Variants in CEP128 observed in about 807,000 individuals in gnomAD.
CEP128 encodes the protein centrosomal protein 128.
A neutral mutation model predicts 156.7 loss-of-function variants in CEP128; 132 were observed. The ratio of observed to expected loss-of-function variants is 0.84; its 90% CI spans 0.73 to 0.97. The LOEUF (loss-of-function observed/expected upper bound fraction) is 0.97, where lower values mean the gene tolerates loss of function less well. CEP128 is among the 50% of genes least tolerant of loss of function. CEP128 has a pLI of 0.00. For synonymous variants in CEP128, 469 were observed against 448.9 expected (o/e 1.04, Z -0.57); for missense variants, 1,252 against 1,281.9 (o/e 0.98, Z 0.36).
At chr14:80,847,544 TAA>T (rs1031386892) in intron 9 of CEP128, among the ~76,000 whole-genome samples, 4 of 152,192 alleles carry the variant, frequency 2.6e-5, no homozygotes, top group Admixed American at 2.0e-4. Context: ...AAAATTTATA[TAA>T]GTGTTTCAGC....
intron 19 of CEP128, among the ~76,000 whole-genome samples, chr14:80,677,091 G>T (rs1292307803): frequency 2.0e-5 from 3 of 152,138 alleles, no homozygotes; most frequent in African/African-American, 7.2e-5. Flanking sequence ...ATCATCCCAT[G>T]ATGTATAAAA....
At chr14:80,508,017 C>G (rs752451926) in intron 23 of CEP128, among the ~76,000 whole-genome samples, 1 of 152,176 alleles carries the variant, frequency 6.6e-6, no homozygotes, top group Non-Finnish European at 1.5e-5. Context: ...CAGGTTCAAG[C>G]GATCCTCCTG....
chr14:80,672,342 A>G (rs1455393983), intron 19 of CEP128, among the ~76,000 whole-genome samples: 1 of 127,512 alleles, frequency 7.8e-6, no homozygotes, highest in Admixed American at 7.6e-5. Context: ...GTGAACAGAA[A>G]AATGTCTTTT....
At chr14:80,680,391 T>G (rs1030336121) in intron 19 of CEP128, among the ~76,000 whole-genome samples, 2 of 152,100 alleles carry the variant, frequency 1.3e-5, no homozygotes, top group Admixed American at 1.3e-4. Context: ...TGGATATAGA[T>G]CCTGGTGAGC....
intron 19 of CEP128, among the ~76,000 whole-genome samples, chr14:80,714,626 C>A (rs1231341318): frequency 6.6e-6 from 1 of 151,934 alleles, no homozygotes; most frequent in Non-Finnish European, 1.5e-5. Context: ...ACAGGCAAAC[C>A]TCAAACTTCC....
At chr14:80,560,621 G>A (rs1168174721) in intron 20 of CEP128, among the ~76,000 whole-genome samples, 1 of 152,016 alleles carries the variant, frequency 6.6e-6, no homozygotes, top group Non-Finnish European at 1.5e-5. Flanking sequence ...TTAGTCAGTG[G>A]GCTGAGGAAG....
chr14:80,686,771 G>A (rs1719248329), intron 19 of CEP128, among the ~76,000 whole-genome samples: 1 of 151,980 alleles, frequency 6.6e-6, no homozygotes, highest in Admixed American at 6.6e-5. Flanking sequence ...AGCAAATGTT[G>A]CAATCCTAGT....
At chr14:80,507,772 C>T (rs1183150997) in intron 23 of CEP128, among the ~76,000 whole-genome samples, 1 of 151,928 alleles carries the variant, frequency 6.6e-6, no homozygotes, top group African/African-American at 2.4e-5. Context: ...AATGCGCCTA[C>T]CAGAGGAAGG....
At chr14:80,559,751 T>C (rs927321292) in intron 20 of CEP128, among the ~76,000 whole-genome samples, 2 of 152,176 alleles carry the variant, frequency 1.3e-5, no homozygotes, top group African/African-American at 4.8e-5. Flanking sequence ...AGACATATCT[T>C]CATCAATTAA....
chr14:80,504,675 C>G (rs1696301248), intron 24 of CEP128, among the ~76,000 whole-genome samples: 1 of 152,112 alleles, frequency 6.6e-6, no homozygotes, highest in South Asian at 2.1e-4. Context: ...AAGATTTTCA[C>G]CTTGGGTGGT....
At chr14:80,754,953 A>C (rs1899579689) in intron 18 of CEP128, among the ~76,000 whole-genome samples, 1 of 152,158 alleles carries the variant, frequency 6.6e-6, no homozygotes, top group Non-Finnish European at 1.5e-5. Flanking sequence ...GTTAACACTG[A>C]GTGCCAAACT....
intron 8 of CEP128, chr14:80,894,755 C>T (rs1181625270): frequency 3.2e-6 from 1 of 314,988 alleles, no homozygotes; most frequent in African/African-American, 2.3e-5. Flanking sequence ...AAGCAAATTT[C>T]ACTACAAGAG....
intron 13 of CEP128, among the ~76,000 whole-genome samples, chr14:80,812,618 G>GA (rs1311523121): frequency 1.3e-5 from 2 of 152,148 alleles, no homozygotes; most frequent in Non-Finnish European, 2.9e-5. Context: ...GCCCAGGCTG[G>GA]AGTGCAATGG....
At chr14:80,679,375 T>A (rs1365632229) in intron 19 of CEP128, among the ~76,000 whole-genome samples, 1 of 152,150 alleles carries the variant, frequency 6.6e-6, no homozygotes, top group East Asian at 1.9e-4. Context: ...CAGCAAGGAA[T>A]ATTAATATTT....
At chr14:80,606,116 C>T (rs1272361708) in intron 19 of CEP128, among the ~76,000 whole-genome samples, 1 of 151,806 alleles carries the variant, frequency 6.6e-6, no homozygotes, top group East Asian at 1.9e-4. Flanking sequence ...GTAGCTTTTG[C>T]TAAACATAAA....
intron 20 of CEP128, among the ~76,000 whole-genome samples, chr14:80,562,655 C>CTTTTTTTTTT (rs1170778718): frequency 6.0e-4 from 69 of 114,320 alleles, no homozygotes; most frequent in Non-Finnish European, 8.3e-4. Flanking sequence ...CTTTTCTTTT[C>CTTTTTTTTTT]TTTTTTTTTT....
chr14:80,777,756 T>C, intron 16 of CEP128, 126 bp downstream of exon 16: 1 of 693,996 alleles, frequency 1.4e-6, no homozygotes, highest in South Asian at 2.2e-5. Flanking sequence ...CTGACTTTTT[T>C]GGGGGGCACC....
chr14:80,831,311 T>G lies in CEP128; in HGVS notation c.1058-17A>C. On this transcript the variant is annotated splice_polypyrimidine_tract_variant and intron_variant, in intron 12 of 24. Transcript: ENST00000555265. ...GCTCAACCCCTTAAAAGATAAAATG[T>G]AAGGCTCAAGGGTTGTTCTTTATTC... 2 of 1,613,510 alleles carry G rather than the reference T, an allele frequency of 1.2e-6. No homozygotes were observed. Among genetic ancestry groups the G allele is most frequent in the Non-Finnish European group, 1.7e-6 (2 of 1,179,580 alleles).
intron 21 of CEP128, among the ~76,000 whole-genome samples, chr14:80,542,281 T>G (rs567614542): frequency 6.6e-6 from 1 of 152,336 alleles, no homozygotes; most frequent in South Asian, 2.1e-4. Context: ...GTACTTGGTA[T>G]CACACATGAA....
Sources: gnomAD v4.1 joint callset for allele counts (sites outside exome capture counted in the v4.1 genomes callset) on GRCh38, gnomAD v4.1.1 for gene constraint, MANE v1.5 for transcripts, NCBI Gene and HGNC (gene_info 2026-07-23, HGNC 2026-07-21) for gene names.